Variants in HOOK2 observed in about 807,000 individuals in gnomAD.
The protein encoded by HOOK2 is hook microtubule tethering protein 2.
A neutral mutation model predicts 111.9 loss-of-function variants in HOOK2; 108 were observed. The ratio of observed to expected loss-of-function variants is 0.96; its 90% CI spans 0.83 to 1.13. HOOK2 has a LOEUF of 1.13. Ranked by LOEUF, HOOK2 falls within the 50% of genes most tolerant of loss-of-function variation. The pLI, the probability that HOOK2 is intolerant of heterozygous loss-of-function variation, is 0.00. For missense variants in HOOK2, 978 were observed against 951.3 expected, an observed-to-expected ratio of 1.03 and a Z score of -0.37; for synonymous variants, 405 against 394.3, an observed-to-expected ratio of 1.03 and a Z score of -0.32.
intron 3 of HOOK2, among the ~76,000 whole-genome samples, chr19:12,789,137 C>A (rs1390187223): frequency 6.6e-6 from 1 of 152,094 alleles, no homozygotes; most frequent in Admixed American, 6.5e-5. Flanking sequence ...AAGAGAGAGG[C>A]TCTCTTCATC....
In HOOK2 at chr19:12,774,755, G is replaced by A; in HGVS notation, c.132-14C>T. 9 of 1,613,698 alleles carry A rather than the reference G, an allele frequency of 5.6e-6. No homozygotes were observed. The highest frequency in any genetic ancestry group is 4.5e-5 in the East Asian group (2 of 44,862). ...CAGGAGGGGTCTCTGGGGGCGAGAA[G>A]GTGGGATGAGCAGACTGGGGGACAC... On this transcript the variant is annotated splice_polypyrimidine_tract_variant and intron_variant, in intron 2 of 22. Coordinates refer to ENST00000397668, the MANE Select transcript of HOOK2 (RefSeq NM_013312.3).
intron 10 of HOOK2, among the ~76,000 whole-genome samples, chr19:12,770,466 T>C (rs1025289653): frequency 1.3e-5 from 2 of 151,756 alleles, no homozygotes; most frequent in Admixed American, 6.6e-5. Flanking sequence ...CACTAGTACC[T>C]TCGCATTACA....
In HOOK2 at chr19:12,774,575, T is replaced by A. The variant is rs746868037; in HGVS notation, c.204+94A>T. The A allele has an allele frequency of 3.4e-6, 4 of 1,170,470 alleles. No individual in the cohort carries two copies. The Admixed American group carries it at 5.1e-5, about 15-fold the overall frequency. The allele number at this position is 1,170,470 out of a possible 1,614,324, so 72.5% of individuals were successfully genotyped here. A position where few individuals can be genotyped will look rare whatever the true frequency, so the allele number is the denominator to read the frequency against. On this transcript the variant is annotated intron_variant, in intron 3 of 22. Transcript: ENST00000397668. ...TGGTTGATCACCAGACATCTGTCCCTCTTCCTGCCCATCACCCAGGACATG... is the reference window on the plus strand; with the variant it reads ...TGGTTGATCACCAGACATCTGTCCCACTTCCTGCCCATCACCCAGGACATG...
intron 3 of HOOK2, chr19:12,792,095 G>C: frequency 6.2e-7 from 1 of 1,601,914 alleles, no homozygotes. Context: ...CCCCGGGACA[G>C]TACTTTTACC....
At chr19:12,767,759 T>C (rs1968198274) in intron 13 of HOOK2, 57 bp downstream of exon 13, 1 of 1,504,858 alleles carries the variant, frequency 6.6e-7, no homozygotes, top group Non-Finnish European at 9.0e-7. Context: ...ACACAACCTG[T>C]TCTACCCAAA....
chr19:12,774,608 C>T lies in HOOK2; in HGVS notation c.204+61G>A, dbSNP rs762361635. On this transcript the variant is annotated intron_variant, in intron 3 of 22. Transcript: ENST00000397668. ...CCCATCACCCAGGACATGTGCCTAG[C>T]TGGCCCGTCCCTGGTCATCTCTTCA... 9.3e-6 allele frequency: 14 copies of T among 1,510,146 alleles called. No homozygotes were observed. The African/African-American group carries it at 1.4e-4, about 15-fold the overall frequency. The allele number at this position is 1,510,146 out of a possible 1,614,324, so 93.5% of individuals were successfully genotyped here.
In HOOK2 at chr19:12,786,329, A is replaced by G. The variant is rs1017609926; in HGVS notation, n.42-12104T>C. Among the ~76,000 whole-genome samples, 8 of 151,896 alleles carry G rather than the reference A, an allele frequency of 5.3e-5. No homozygotes were observed. The highest frequency in any genetic ancestry group is 1.9e-4 in the African/African-American group (8 of 41,364). ...CAGGCAGCCCCCAGCCCAGTTTCCT[A>G]GTGAGGGCCCCACTGGTCAGTGGGG... On this transcript the variant is annotated intron_variant and non_coding_transcript_variant, in intron 3 of 3. Transcript: ENST00000589765. The surrounding 1 kb of genome is among the most constrained non-coding windows in gnomAD (Gnocchi z 4.3).
rs889715936 is a variant in HOOK2 at position 12,763,192 on chromosome 19, A to G, written c.*90T>C. ...AGAGATCATGGCCTCAAAGCTCTCG[A>G]GCACCTGGCTGAAGCCCAGTGCTGG... On this transcript the variant is annotated 3_prime_UTR_variant, in exon 23 of 23. Coordinates refer to ENST00000397668, the MANE Select transcript of HOOK2 (RefSeq NM_013312.3). 3 of 1,358,504 alleles carry G rather than the reference A, an allele frequency of 2.2e-6. No homozygotes were observed. The highest frequency in any genetic ancestry group is 2.0e-6 in the Non-Finnish European group (2 of 1,003,232). 84.2% of individuals were successfully genotyped at this position (1,358,504 alleles called of 1,614,324 possible). A position where few individuals can be genotyped will look rare whatever the true frequency, so the allele number is the denominator to read the frequency against.
At chr19:12,765,417 C>G (rs1968117307) in intron 18 of HOOK2, 5 of 588,644 alleles carry the variant, frequency 8.5e-6, no homozygotes, top group Non-Finnish European at 9.1e-6. Flanking sequence ...AGGGATCTTT[C>G]TAGAATACAA....
rs1406139851 is a variant in HOOK2 at position 12,774,907 on chromosome 19, A to T, written c.46-10T>A. 3 of 1,611,824 alleles carry T rather than the reference A, an allele frequency of 1.9e-6. No homozygotes were observed. Among genetic ancestry groups the T allele is most frequent in the Non-Finnish European group, 2.5e-6 (3 of 1,178,718 alleles). On this transcript the variant is annotated splice_polypyrimidine_tract_variant and intron_variant, in intron 1 of 22. Coordinates refer to ENST00000397668, the MANE Select transcript of HOOK2 (RefSeq NM_013312.3). ...CGTGGAACGTCTGTAACTGAGGGGT[A>T]AAGGAAAGGACAAGGAAAGAGTTAG...
In HOOK2 at chr19:12,786,525, C is replaced by A. The variant is rs562823485; in HGVS notation, n.42-12300G>T. Reference sequence around the variant, plus strand: ...GGAAGCCTGCGCAGGGACTTCTTAGCCAGGTGCTGGTCTGGAGCCCAGGGC... The same window carrying A: ...GGAAGCCTGCGCAGGGACTTCTTAGACAGGTGCTGGTCTGGAGCCCAGGGC... On this transcript the variant is annotated intron_variant and non_coding_transcript_variant, in intron 3 of 3. Transcript: ENST00000589765. This position sits in a 1 kb window ranked among gnomAD's most constrained non-coding sequence, Gnocchi z 4.3. Among the ~76,000 whole-genome samples the A allele has an allele frequency of 6.6e-6, 1 of 152,140 alleles. No homozygotes were observed. Among genetic ancestry groups the A allele is most frequent in the Non-Finnish European group, 1.5e-5 (1 of 67,996 alleles).
rs968157593 is a variant in HOOK2 at position 12,763,617 on chromosome 19, G to A, written c.1939-18C>T. 2 of 1,614,234 alleles carry A rather than the reference G, an allele frequency of 1.2e-6. No individual in the cohort carries two copies. Among genetic ancestry groups the A allele is most frequent in the South Asian group, 1.1e-5 (1 of 91,086 alleles). On this transcript the variant is annotated intron_variant, in intron 21 of 22. Transcript: ENST00000397668. ...AAGTCCATCTGTCAAGGAGGCAAGT[G>A]TCAGGGGCCTAGATACGTTGGAGGC...
upstream of HOOK2, among the ~76,000 whole-genome samples, chr19:12,779,648 G>A (rs1337932886): frequency 1.3e-5 from 2 of 152,154 alleles, no homozygotes; most frequent in Admixed American, 6.5e-5. Flanking sequence ...GAGCCACGGC[G>A]CCTGGCCAAA....
intron 17 of HOOK2, 22 bp downstream of exon 17, chr19:12,765,807 A>T: frequency 6.2e-7 from 1 of 1,613,596 alleles, no homozygotes; most frequent in Non-Finnish European, 8.5e-7. Context: ...AGGGGGTGCC[A>T]TCCTGGGCCC....
intron 11 of HOOK2, 135 bp from the exon 12 acceptor site, chr19:12,768,258 T>C: frequency 1.5e-6 from 1 of 684,748 alleles, no homozygotes; most frequent in Non-Finnish European, 2.4e-6. Flanking sequence ...CAGCTGTGTA[T>C]GTTTTTGCTT....
chr19:12,787,799 G>C (rs1968671620), intron 3 of HOOK2, among the ~76,000 whole-genome samples: 1 of 152,104 alleles, frequency 6.6e-6, no homozygotes, highest in South Asian at 2.1e-4. Context: ...GCCCACGCCT[G>C]TAATCTCAGT....
At chr19:12,787,094 G>C (rs928632090) in intron 3 of HOOK2, 1 of 153,330 alleles carries the variant, frequency 6.5e-6, no homozygotes, top group African/African-American at 2.4e-5. Flanking sequence ...CTTTTACCCA[G>C]GAGTTCAGGG....
At position 12,791,988 on chromosome 19, in the gene HOOK2, G is replaced by A; in HGVS notation, n.42-17763C>T. On this transcript the variant is annotated intron_variant and non_coding_transcript_variant, in intron 3 of 3. Transcript: ENST00000589765. The surrounding 1 kb of genome is among the most constrained non-coding windows in gnomAD (Gnocchi z 7.0). ...TGGCGGCAGCTACTTTTCTGGTCAG[G>A]GCTCGGACACCGGCGCGTCTCTCAA... 1.2e-6 allele frequency: 2 copies of A among 1,611,714 alleles called. No homozygotes were observed. Among genetic ancestry groups the A allele is most frequent in the Non-Finnish European group, 1.7e-6 (2 of 1,179,516 alleles).
chr19:12,772,755 T>TG, intron 5 of HOOK2, 25 bp downstream of exon 5: 1 of 1,613,554 alleles, frequency 6.2e-7, no homozygotes, highest in Non-Finnish European at 8.5e-7. Context: ...AGGCCAGCCC[T>TG]GGGGACCCCC....
Sources: gnomAD v4.1 joint callset for allele counts (sites outside exome capture counted in the v4.1 genomes callset) on GRCh38, gnomAD v4.1.1 for gene constraint, Gnocchi (gnomAD v3.1) non-coding constraint, MANE v1.5 for transcripts, NCBI Gene and HGNC (gene_info 2026-07-23, HGNC 2026-07-21) for gene names.